PRSS1: variants seen among roughly 807,000 people sequenced by gnomAD.
PRSS1 encodes serine protease 1.
PRSS1 carries 22 observed loss-of-function variants against 24.2 expected under a neutral mutation model. The ratio of observed to expected loss-of-function variants is 0.91; its 90% CI spans 0.65 to 1.30. PRSS1 has a LOEUF of 1.30. Ranked by LOEUF, PRSS1 falls within the 50% of genes most tolerant of loss-of-function variation. The probability of loss-of-function intolerance (pLI) is 0.00; values close to 1 mark genes in which losing one functional copy is unlikely to be tolerated. For missense variants in PRSS1, 366 were observed against 304.2 expected (o/e 1.20, Z -1.51); for synonymous variants, 126 against 116.1 (o/e 1.08, Z -0.55).
Position 142,751,873 on chromosome 7 carries a change from C to G in PRSS1, c.300C>G (p.Asp100Glu). ...AAKIIRHPQY[D>E]RKTLNNDIML... Reference sequence around the variant, plus strand: ...AGATCATCCGCCACCCCCAATACGACAGGAAGACTCTGAACAATGACATCA... The same window carrying G: ...AGATCATCCGCCACCCCCAATACGAGAGGAAGACTCTGAACAATGACATCA... Residue 100 changes from aspartate to glutamate, a missense_variant, in exon 3 of 5, where the codon GAC becomes GAG. Asp to Glu is a conservative substitution (Grantham distance 45, BLOSUM62 2). Coordinates refer to ENST00000311737, the MANE Select transcript of PRSS1 (RefSeq NM_002769.5). 5.0e-6 allele frequency: 8 copies of G among 1,614,094 alleles called. No individual in the cohort carries two copies. Among genetic ancestry groups the G allele is most frequent in the Non-Finnish European group, 6.8e-6 (8 of 1,180,006 alleles).
intron 1 of PRSS1, 48 bp from the exon 2 acceptor site, chr7:142,750,507 C>G: frequency 6.2e-7 from 1 of 1,613,438 alleles, no homozygotes. Context: ...GGAGCGCCAC[C>G]CCTAACATGC....
At chr7:142,750,742 C>A (rs1483848124) in intron 2 of PRSS1, 28 bp downstream of exon 2, 6 of 1,613,746 alleles carry the variant, frequency 3.7e-6, no homozygotes, top group Non-Finnish European at 5.1e-6. Context: ...GACTGCAAAG[C>A]TCCCGGCCAG....
At position 142,752,010 on chromosome 7, in the gene PRSS1, A is replaced by G; in HGVS notation, c.437A>G (p.Asn146Ser). ...GTKCLISGWGNTASSGADYPD... is the reference protein window; with the variant it reads ...GTKCLISGWGSTASSGADYPD... ...AAGTGCCTCATCTCTGGCTGGGGCA[A>G]CACTGCGAGCTCTGGCGGTGAGTGG... is the stretch of plus-strand genomic sequence containing the variant. Residue 146 changes from asparagine to serine, a missense_variant, in exon 3 of 5, where the codon AAC becomes AGC. By Grantham distance (46) the Asn-to-Ser change is conservative (BLOSUM62 1). Coordinates refer to ENST00000311737, the MANE Select transcript of PRSS1 (RefSeq NM_002769.5). The G allele has an allele frequency of 6.2e-7, 1 of 1,614,128 alleles. No individual in the cohort carries two copies. Among genetic ancestry groups the G allele is most frequent in the South Asian group, 1.1e-5 (1 of 91,078 alleles).
In PRSS1 at chr7:142,752,020, C is replaced by A. The variant is rs372698855; in HGVS notation, c.447C>A (p.Ser149Arg). ...CLISGWGNTASSGADYPDELQ... is the reference protein window; with the variant it reads ...CLISGWGNTARSGADYPDELQ... ...TCTCTGGCTGGGGCAACACTGCGAG[C>A]TCTGGCGGTGAGTGGGACCCTTAGT... The change falls in exon 3 of 5, where the codon AGC becomes AGA. Residue 149 changes from serine (S) to arginine (R), a missense_variant. Transcript: ENST00000311737. 13 of 1,612,740 alleles carry A rather than the reference C, an allele frequency of 8.1e-6. No individual in the cohort carries two copies. The African/African-American group carries it at 1.5e-4, about 18-fold the overall frequency.
intron 2 of PRSS1, chr7:142,751,569 T>A: frequency 1.1e-6 from 1 of 918,054 alleles, no homozygotes; most frequent in Non-Finnish European, 1.6e-6. Context: ...CCCACCCCAC[T>A]ACCACCAACC....
Position 142,751,840 on chromosome 7 carries a change from T to C in PRSS1, c.267T>C (p.Asn89=), listed in dbSNP as rs779618969. The change falls in exon 3 of 5, where the codon AAT becomes AAC. Residue 89 remains asparagine, a synonymous_variant. Transcript: ENST00000311737. ...TGGAGGGGAATGAGCAGTTCATCAATGCAGCCAAGATCATCCGCCACCCCC... is the reference window on the plus strand; with the variant it reads ...TGGAGGGGAATGAGCAGTTCATCAACGCAGCCAAGATCATCCGCCACCCCC... ...EVLEGNEQFI[N]AAKIIRHPQY... 15 of 1,614,084 alleles carry C rather than the reference T, an allele frequency of 9.3e-6. No homozygotes were observed. The highest frequency in any genetic ancestry group is 1.6e-4 in the Middle Eastern group (1 of 6,062).
intron 1 of PRSS1, 108 bp downstream of exon 1, chr7:142,749,632 G>C: frequency 7.0e-7 from 1 of 1,425,748 alleles, no homozygotes; most frequent in East Asian, 2.3e-5. Context: ...CTGATATTCC[G>C]TTTCCTCCAT....
In PRSS1 at chr7:142,750,722, T is replaced by C. The variant is rs886038518; in HGVS notation, c.200+8T>C. On this transcript the variant is annotated splice_region_variant and intron_variant, in intron 2 of 4. Transcript: ENST00000311737. The stretch of plus-strand genomic sequence containing the variant: ...AGGCCACTGCTACAAGTCGTAAGTG[T>C]GGGGCCCCCGACTGCAAAGCTCCCG... 3.7e-6 allele frequency: 6 copies of C among 1,613,664 alleles called. No individual in the cohort carries two copies. In the Admixed American group the frequency reaches 8.3e-5, roughly 22 times the overall value.
Position 142,751,066 on chromosome 7 carries a change from C to A in PRSS1, c.200+352C>A, listed in dbSNP as rs186764927. On this transcript the variant is annotated intron_variant, in intron 2 of 4. Coordinates refer to ENST00000311737, the MANE Select transcript of PRSS1 (RefSeq NM_002769.5). ...AAATACAGATGCCTTTGTCCTATCC[C>A]AGGGCAATTAAGTCAAAATTTTCAG... The A allele has an allele frequency of 5.1e-5, 36 of 703,102 alleles. No individual in the cohort carries two copies. The African/African-American group carries it at 6.1e-4, about 12-fold the overall frequency. 43.6% of individuals were successfully genotyped at this position (703,102 alleles called of 1,614,324 possible).
chr7:142,751,152 T>C (rs1427691245), intron 2 of PRSS1: 2 of 699,020 alleles, frequency 2.9e-6, no homozygotes, highest in East Asian at 2.7e-5. Context: ...GTAGAGTGTA[T>C]AGACAGAGCT....
At chr7:142,750,331 G>A (rs993842164) in intron 1 of PRSS1, among the ~76,000 whole-genome samples, 1 of 152,148 alleles carries the variant, frequency 6.6e-6, no homozygotes, top group Non-Finnish European at 1.5e-5. Context: ...GGTGACCCCA[G>A]GAGAGCTCGG....
chr7:142,750,937 G>A, intron 2 of PRSS1: 1 of 776,008 alleles, frequency 1.3e-6, no homozygotes, highest in South Asian at 1.5e-5. Flanking sequence ...GGTCATAAAA[G>A]CAGGCAGGGA....
intron 2 of PRSS1, chr7:142,750,928 G>C (rs1173966193): frequency 1.3e-6 from 1 of 795,256 alleles, no homozygotes. Context: ...AAGGGTTGTG[G>C]TCATAAAAGC....
chr7:142,749,600 C>G, intron 1 of PRSS1, 76 bp downstream of exon 1: 1 of 1,532,950 alleles, frequency 6.5e-7, no homozygotes, highest in Non-Finnish European at 9.0e-7. Flanking sequence ...ATTCTTACCA[C>G]CTCTCCTCTT....
intron 2 of PRSS1, chr7:142,751,311 G>A (rs796505210): frequency 1.7e-6 from 1 of 598,650 alleles, no homozygotes; most frequent in Non-Finnish European, 3.0e-6. Context: ...TTTCTAACAA[G>A]TTCCCAGGAG....
chr7:142,751,552 A>G (rs1375788452), intron 2 of PRSS1: 17 of 750,326 alleles, frequency 2.3e-5, no homozygotes, highest in Middle Eastern at 3.5e-4. Context: ...GATCCCTTTG[A>G]CTCTTCCCCA....
chr7:142,749,744 G>T (rs1798527860), intron 1 of PRSS1, among the ~76,000 whole-genome samples: 1 of 133,506 alleles, frequency 7.5e-6, no homozygotes, highest in African/African-American at 3.2e-5. Flanking sequence ...CCATATCCGA[G>T]TTGTGGTTGG....
Position 142,751,965 on chromosome 7 carries a change from C to A in PRSS1, c.392C>A (p.Ala131Asp). 6.2e-7 allele frequency: 1 copy of A among 1,614,136 alleles called. No homozygotes were observed. Among genetic ancestry groups the A allele is most frequent in the South Asian group, 1.1e-5 (1 of 91,068 alleles). The change falls in exon 3 of 5, where the codon GCC (alanine) becomes GAC (aspartate). Residue 131 changes from alanine to aspartate, a missense_variant. Transcript: ENST00000311737. ...GTGTCCACCATCTCTCTGCCCACCG[C>A]CCCTCCAGCCACTGGCACGAAGTGC... ...ARVSTISLPT[A>D]PPATGTKCLI...
chr7:142,750,420 T>A, intron 1 of PRSS1, 135 bp from the exon 2 acceptor site: 1 of 1,467,124 alleles, frequency 6.8e-7, no homozygotes, highest in African/African-American at 1.4e-5. Flanking sequence ...TCACCAGGGG[T>A]GGCAGAGCTC....
Sources: gnomAD v4.1 joint callset for allele counts (sites outside exome capture counted in the v4.1 genomes callset) on GRCh38, gnomAD v4.1.1 for gene constraint, MANE v1.5 for transcripts, NCBI Gene and HGNC (gene_info 2026-07-23, HGNC 2026-07-21) for gene names.